The following SYN3 variants were observed in gnomAD, a reference collection of about 807,000 sequenced individuals.
SYN3 encodes synapsin-3.
A neutral mutation model predicts 65.8 loss-of-function variants in SYN3; 35 were observed. The observed-to-expected ratio is 0.53, with a 90% CI of 0.41 to 0.70. SYN3 has a LOEUF of 0.70. SYN3 is among the 30% of genes least tolerant of loss of function. SYN3 has a pLI of 0.00. For missense variants in SYN3, 680 were observed against 749.0 expected, an observed-to-expected ratio of 0.91 and a Z score of 1.08; for synonymous variants, 270 against 292.9, an observed-to-expected ratio of 0.92 and a Z score of 0.80.
At chr22:32,765,557 C>T (rs1569207330) in intron 6 of SYN3, among the ~76,000 whole-genome samples, 1 of 152,086 alleles carries the variant, frequency 6.6e-6, no homozygotes, top group African/African-American at 2.4e-5. Context: ...GAGAAAATGA[C>T]AGGCGAGAGG....
rs117084430 is a variant in SYN3 at position 32,591,287 on chromosome 22, C to T, written c.774+5387G>A. ...AAACTGAATAATAAGGCAAACATGT[C>T]ATTGTCAAAAGGAGAAAATAGTTCC... On this transcript the variant is annotated intron_variant, in intron 7 of 13. Transcript: ENST00000358763. Among the ~76,000 whole-genome samples the T allele has an allele frequency of 5.6e-3, 851 of 152,066 alleles. 7 individuals carry two copies. The highest frequency in any genetic ancestry group is 9.2e-3 in the Non-Finnish European group (626 of 67,980).
chr22:32,625,469 G>T (rs987996333), intron 6 of SYN3, among the ~76,000 whole-genome samples: 6 of 152,188 alleles, frequency 3.9e-5, no homozygotes, highest in African/African-American at 1.4e-4. Flanking sequence ...ACCCAAGTTT[G>T]CCATCCCCAG....
chr22:32,801,613 T>C lies in SYN3; in HGVS notation c.711+63302A>G, dbSNP rs2145927995. ...GAGGGCCGATGAGGTAATGCGGCTCTGCCATTGGTCTGAGGGGGCGGGCCC... is the reference window on the plus strand; with the variant it reads ...GAGGGCCGATGAGGTAATGCGGCTCCGCCATTGGTCTGAGGGGGCGGGCCC... On this transcript the variant is annotated intron_variant, in intron 6 of 13. Coordinates refer to ENST00000358763, the MANE Select transcript of SYN3 (RefSeq NM_003490.4). This position sits in a 1 kb window ranked among gnomAD's most constrained non-coding sequence, Gnocchi z 4.7. 1 of 155,504 alleles carries C rather than the reference T, an allele frequency of 6.4e-6. No homozygotes were observed. The highest frequency in any genetic ancestry group is 2.4e-5 in the African/African-American group (1 of 41,690). The allele number at this position is 155,504 out of a possible 1,614,324, so 9.6% of individuals were successfully genotyped here.
intron 6 of SYN3, among the ~76,000 whole-genome samples, chr22:32,758,528 A>C (rs2045358829): frequency 6.6e-6 from 1 of 150,464 alleles, no homozygotes; most frequent in African/African-American, 2.4e-5. Context: ...CCCAGCCTAC[A>C]TCTTTCTCCC....
intron 4 of SYN3, among the ~76,000 whole-genome samples, chr22:32,874,826 A>C (rs2048941028): frequency 6.6e-6 from 1 of 152,174 alleles, no homozygotes; most frequent in Non-Finnish European, 1.5e-5. Flanking sequence ...GTTTTCTCTT[A>C]ATTGTCTCCA....
At chr22:32,590,850 A>G (rs142417958) in intron 7 of SYN3, among the ~76,000 whole-genome samples, 5 of 152,356 alleles carry the variant, frequency 3.3e-5, no homozygotes, top group African/African-American at 9.6e-5. Flanking sequence ...TCTGAGTCAT[A>G]CTAAACTTGT....
chr22:33,006,406 G>T lies in SYN3; in HGVS notation c.257C>A (p.Pro86His). 1 of 1,614,180 alleles carries T rather than the reference G, an allele frequency of 6.2e-7. No homozygotes were observed. The highest frequency in any genetic ancestry group is 1.3e-5 in the African/African-American group (1 of 75,072). ...CAGGATCCTGGGTCTTTGAACAATG[G>T]GCGTGGAGGGACCTGGAGGCTCCAT... ...GLMEPPGPST[P>H]IVQRPRILLV... Residue 86 changes from proline (P) to histidine (H), a missense_variant, in exon 2 of 14, where the codon CCC becomes CAC. Physicochemically the swap from Pro to His is moderately conservative, Grantham distance 77. Coordinates refer to ENST00000358763, the MANE Select transcript of SYN3 (RefSeq NM_003490.4).
chr22:32,734,860 C>G (rs2061317827), intron 6 of SYN3, among the ~76,000 whole-genome samples: 1 of 152,166 alleles, frequency 6.6e-6, no homozygotes, highest in Non-Finnish European at 1.5e-5. Flanking sequence ...TTTGACTCTC[C>G]CCAATTCAAT....
chr22:32,559,840 A>G (rs969000528), intron 7 of SYN3, among the ~76,000 whole-genome samples: 1 of 151,842 alleles, frequency 6.6e-6, no homozygotes, highest in Middle Eastern at 3.2e-3. Flanking sequence ...AACAAAAAAA[A>G]AAAAAAAGAA....
intron 2 of SYN3, among the ~76,000 whole-genome samples, chr22:33,004,258 T>G (rs1335633591): frequency 6.6e-6 from 1 of 152,144 alleles, no homozygotes; most frequent in African/African-American, 2.4e-5. Flanking sequence ...GCTACTGTCT[T>G]CCAGACCCCA....
intron 1 of SYN3, among the ~76,000 whole-genome samples, chr22:33,018,013 T>A (rs1006719466): frequency 2.0e-5 from 3 of 151,912 alleles, no homozygotes; most frequent in African/African-American, 7.3e-5. Flanking sequence ...CAGAGAGGGG[T>A]CAGATCATGA....
intron 2 of SYN3, 107 bp downstream of exon 2, chr22:33,006,245 G>T: frequency 7.6e-7 from 1 of 1,309,906 alleles, no homozygotes; most frequent in Non-Finnish European, 1.0e-6. Context: ...GGCTCTGATA[G>T]CACCCAAGCC....
At chr22:32,986,582 C>T (rs1430059111) in intron 2 of SYN3, among the ~76,000 whole-genome samples, 5 of 152,110 alleles carry the variant, frequency 3.3e-5, no homozygotes, top group Non-Finnish European at 5.9e-5. Flanking sequence ...CGCCTCTGAA[C>T]GGTTCTGTCT....
chr22:32,595,540 T>C (rs2059186566), intron 7 of SYN3, among the ~76,000 whole-genome samples: 1 of 152,210 alleles, frequency 6.6e-6, no homozygotes, highest in East Asian at 1.9e-4. Flanking sequence ...ACTTTTGCAG[T>C]TAACTGACTC....
At chr22:32,886,114 A>G (rs546531794) in intron 4 of SYN3, among the ~76,000 whole-genome samples, 5 of 152,338 alleles carry the variant, frequency 3.3e-5, no homozygotes, top group African/African-American at 1.2e-4. Flanking sequence ...ACTGGCTCAT[A>G]AGCTTGTGTG....
At chr22:32,769,659 A>G (rs907080685) in intron 6 of SYN3, among the ~76,000 whole-genome samples, 1 of 152,094 alleles carries the variant, frequency 6.6e-6, no homozygotes, top group Non-Finnish European at 1.5e-5. Context: ...CTGGGATTAC[A>G]GGCATGCGCC....
chr22:32,989,691 C>T (rs978478221), intron 2 of SYN3, among the ~76,000 whole-genome samples: 7 of 149,220 alleles, frequency 4.7e-5, no homozygotes, highest in East Asian at 1.9e-4. Flanking sequence ...AAAAATTAGC[C>T]GGGCATGGTG....
In SYN3 at chr22:32,925,197, AATGT is replaced by A. The variant is rs369038171; in HGVS notation, c.461+6189_461+6192del. Among the ~76,000 whole-genome samples the A allele has an allele frequency of 1.2e-4, 18 of 152,238 alleles. 1 individual carries two copies. In the South Asian group the frequency reaches 3.3e-3, roughly 28 times the overall value. On this transcript the variant is annotated intron_variant, in intron 4 of 13. Coordinates refer to ENST00000358763, the MANE Select transcript of SYN3 (RefSeq NM_003490.4). ...GATTGTCAGCAATTCTTGGTTTGTC[AATGT>A]ATCTCCCCAGTCTCTGCTTCCAACA...
intron 6 of SYN3, among the ~76,000 whole-genome samples, chr22:32,790,352 T>G (rs2046294650): frequency 6.6e-6 from 1 of 152,010 alleles, no homozygotes; most frequent in Admixed American, 6.6e-5. Flanking sequence ...GTGAGGAGTT[T>G]CAAGTGTTCA....
Sources: allele counts gnomAD v4.1 joint callset (sites outside exome capture counted in the v4.1 genomes callset), GRCh38; gene constraint gnomAD v4.1.1; non-coding constraint Gnocchi (gnomAD v3.1); transcripts MANE v1.5; gene names NCBI Gene and HGNC (gene_info 2026-07-23, HGNC 2026-07-21).